The following SLC24A2 variants were observed in gnomAD, a reference collection of about 807,000 sequenced individuals.
SLC24A2 encodes sodium/potassium/calcium exchanger 2.
In SLC24A2, 36 loss-of-function variants were observed where a neutral mutation model predicts 62.0. That is an observed-to-expected ratio of 0.58 (90% CI 0.44 to 0.77). The LOEUF (loss-of-function observed/expected upper bound fraction) is 0.77. Ranked by LOEUF, SLC24A2 falls within the 30% of genes least tolerant of loss-of-function variation. The probability of loss-of-function intolerance (pLI) is 0.00; values close to 1 mark genes in which losing one functional copy is unlikely to be tolerated. For missense variants in SLC24A2, 846 were observed against 817.9 expected, an observed-to-expected ratio of 1.03 and a Z score of -0.42; for synonymous variants, 358 against 294.0, an observed-to-expected ratio of 1.22 and a Z score of -2.23.
Position 19,652,871 on chromosome 9 carries a change from C to T in SLC24A2, c.931-30572G>A, listed in dbSNP as rs1477420602. ...GTTCATTTAACCAATATTCGTGAAG[C>T]CCCTGCTATGTGCCAGGCACTGTGA... On this transcript the variant is annotated intron_variant, in intron 2 of 10. Coordinates refer to ENST00000341998, the MANE Select transcript of SLC24A2 (RefSeq NM_020344.4). Among the ~76,000 whole-genome samples, 13 of 151,714 alleles carry T rather than the reference C, an allele frequency of 8.6e-5. 1 individual carries two copies. The East Asian group carries it at 2.5e-3, about 29-fold the overall frequency.
intron 8 of SLC24A2, among the ~76,000 whole-genome samples, chr9:19,533,137 A>C (rs1833785187): frequency 6.6e-6 from 1 of 152,198 alleles, no homozygotes; most frequent in Non-Finnish European, 1.5e-5. Flanking sequence ...TAGTGGGAGT[A>C]CTATATACTC....
the SLC24A2 span, among the ~76,000 whole-genome samples, chr9:20,288,796 C>A: frequency 0.78 from 117,818 of 151,190 alleles, 46,775 homozygotes; most frequent in Middle Eastern, 0.95. Flanking sequence ...TGCAACTTCC[C>A]AGGCTACGTT....
chr9:20,175,562 AATT>A, the SLC24A2 span, among the ~76,000 whole-genome samples: 1 of 152,012 alleles, frequency 6.6e-6, no homozygotes, highest in African/African-American at 2.4e-5. Context: ...TATGTGGGAA[AATT>A]ATTATGTTAC....
At chr9:20,203,422 G>T in the SLC24A2 span, among the ~76,000 whole-genome samples, 1 of 152,240 alleles carries the variant, frequency 6.6e-6, no homozygotes, top group Non-Finnish European at 1.5e-5. Flanking sequence ...TAACTTGTTG[G>T]CTCAGCCCTA....
the SLC24A2 span, among the ~76,000 whole-genome samples, chr9:19,944,388 C>A: frequency 1.5e-3 from 227 of 148,686 alleles, no homozygotes; most frequent in African/African-American, 5.3e-3. Flanking sequence ...ATGCAATATA[C>A]CCAGGTAACA....
At chr9:19,558,542 T>C (rs1835221613) in intron 7 of SLC24A2, among the ~76,000 whole-genome samples, 1 of 152,166 alleles carries the variant, frequency 6.6e-6, no homozygotes, top group Non-Finnish European at 1.5e-5. Flanking sequence ...ATAATCTTGG[T>C]CTGGCTACTT....
the SLC24A2 span, among the ~76,000 whole-genome samples, chr9:19,988,217 T>C: frequency 6.6e-6 from 1 of 152,198 alleles, no homozygotes; most frequent in Admixed American, 6.5e-5. Flanking sequence ...CTTGCAAATC[T>C]GCCCTTGCAA....
chr9:20,294,101 G>T, the SLC24A2 span, among the ~76,000 whole-genome samples: 8 of 151,898 alleles, frequency 5.3e-5, no homozygotes, highest in Non-Finnish European at 1.2e-4. Flanking sequence ...TTTGTTTCCT[G>T]GACTTTGAAG....
the SLC24A2 span, among the ~76,000 whole-genome samples, chr9:19,952,288 T>A: frequency 6.6e-6 from 1 of 152,096 alleles, no homozygotes; most frequent in Non-Finnish European, 1.5e-5. Context: ...TCTTTTCCAA[T>A]ATGCAAGGCT....
the SLC24A2 span, among the ~76,000 whole-genome samples, chr9:20,288,320 C>T: frequency 6.6e-6 from 1 of 152,090 alleles, no homozygotes. Flanking sequence ...CCTCTCATTC[C>T]TCATGTTCTT....
the SLC24A2 span, among the ~76,000 whole-genome samples, chr9:20,232,389 A>G: frequency 2.0e-5 from 3 of 152,140 alleles, no homozygotes; most frequent in Non-Finnish European, 4.4e-5. Context: ...TTGGTAAGCT[A>G]TTGATTATTG....
intron 7 of SLC24A2, among the ~76,000 whole-genome samples, chr9:19,551,551 C>G (rs1351922759): frequency 6.6e-6 from 1 of 152,144 alleles, no homozygotes; most frequent in East Asian, 1.9e-4. Context: ...CGCATCAGAT[C>G]TAAAAATATC....
chr9:19,907,384 A>G, the SLC24A2 span, among the ~76,000 whole-genome samples: 4 of 152,220 alleles, frequency 2.6e-5, no homozygotes, highest in African/African-American at 7.2e-5. Context: ...TGAATGGGCA[A>G]AAACTGGAAG....
rs533982164 is a variant in SLC24A2 at position 19,707,176 on chromosome 9, G to C, written c.930+78761C>G. Reference sequence around the variant, plus strand: ...TCTAGAAGAAATGGATAAATTCCTCGACACATACACCCTCCCAAGACTAAA... The same window carrying C: ...TCTAGAAGAAATGGATAAATTCCTCCACACATACACCCTCCCAAGACTAAA... On this transcript the variant is annotated intron_variant, in intron 2 of 10. Transcript: ENST00000341998. Among the ~76,000 whole-genome samples the C allele has an allele frequency of 3.4e-4, 52 of 151,478 alleles. No individual in the cohort carries two copies. In the South Asian group the frequency reaches 7.3e-3, roughly 21 times the overall value.
At chr9:19,607,114 G>C (rs1376688412) in intron 4 of SLC24A2, among the ~76,000 whole-genome samples, 3 of 152,224 alleles carry the variant, frequency 2.0e-5, no homozygotes, top group Non-Finnish European at 4.4e-5. Context: ...CTTTCATTTG[G>C]GAGAAAACAC....
At chr9:19,529,138 T>C (rs1177610736) in intron 8 of SLC24A2, among the ~76,000 whole-genome samples, 1 of 152,156 alleles carries the variant, frequency 6.6e-6, no homozygotes, top group Non-Finnish European at 1.5e-5. Flanking sequence ...AACACTTTAT[T>C]TGAAAGCTTT....
chr9:19,945,807 C>T, the SLC24A2 span, among the ~76,000 whole-genome samples: 2 of 152,190 alleles, frequency 1.3e-5, no homozygotes. Context: ...CTTCCCATTA[C>T]AGTGTGAATA....
intron 2 of SLC24A2, among the ~76,000 whole-genome samples, chr9:19,780,535 G>C (rs1057225354): frequency 3.8e-4 from 57 of 151,432 alleles, no homozygotes; most frequent in African/African-American, 1.4e-3. Context: ...CAAAGTGCTG[G>C]GATTACAGGT....
At chr9:20,146,202 T>C in the SLC24A2 span, among the ~76,000 whole-genome samples, 2 of 152,038 alleles carry the variant, frequency 1.3e-5, no homozygotes, top group South Asian at 2.1e-4. Flanking sequence ...TATTAATATA[T>C]CAAAAGAAAG....
Sources: allele counts gnomAD v4.1 joint callset (sites outside exome capture counted in the v4.1 genomes callset), GRCh38; gene constraint gnomAD v4.1.1; transcripts MANE v1.5; gene names NCBI Gene and HGNC (gene_info 2026-07-23, HGNC 2026-07-21).